The following FNDC7 variants were observed in gnomAD, a reference collection of about 807,000 sequenced individuals.
FNDC7 encodes fibronectin type III domain containing 7, also known as fibronectin type III domain-containing protein 7.
FNDC7 carries 66 observed loss-of-function variants against 74.2 expected under a neutral mutation model. The ratio of observed to expected loss-of-function variants is 0.89; its 90% CI spans 0.73 to 1.09. The LOEUF is 1.09. Ranked by LOEUF, FNDC7 falls within the 50% of genes least tolerant of loss-of-function variation. The pLI, the probability that FNDC7 is intolerant of heterozygous loss-of-function variation, is 0.00. For missense variants in FNDC7, 829 were observed against 893.4 expected (o/e 0.93, Z 0.92); for synonymous variants, 307 against 330.2 (o/e 0.93, Z 0.76).
rs369729211 is a variant in FNDC7, at chr1:108,727,860, T to C, written c.1164T>C (p.Val388=). ...INPVLVSSDR[V]EIVWSPVRGA... ...CCGTGTTGGTGTCCAGTGACAGAGT[T>C]GAGATTGTCTGGTCTCCTGTCCGTG... Residue 388 remains valine, a synonymous_variant, in exon 7 of 13, where the codon GTT becomes GTC. Transcript: ENST00000370017. The C allele has an allele frequency of 1.4e-5, 22 of 1,613,028 alleles. No individual in the cohort carries two copies. The highest frequency in any genetic ancestry group is 1.7e-5 in the Non-Finnish European group (20 of 1,179,098).
At chr1:108,723,627 G>A (rs928150539) in intron 5 of FNDC7, among the ~76,000 whole-genome samples, 5 of 152,208 alleles carry the variant, frequency 3.3e-5, no homozygotes, top group African/African-American at 2.4e-5. Context: ...CATTAGAAGC[G>A]ATTATGAGGA....
At position 108,741,861 on chromosome 1, in the gene FNDC7, T is replaced by G; in HGVS notation, c.*37+20T>G. ...GACCAAGTGAGTAACGTAAATTGAT[T>G]TTGTGTGATTTTATGGCAAAGTTTT... On this transcript the variant is annotated intron_variant, in intron 12 of 12. Coordinates refer to ENST00000370017, the MANE Select transcript of FNDC7 (RefSeq NM_001144937.3). 1 of 1,570,926 alleles carries G rather than the reference T, an allele frequency of 6.4e-7. No individual in the cohort carries two copies. Among genetic ancestry groups the G allele is most frequent in the East Asian group, 2.2e-5 (1 of 44,676 alleles).
chr1:108,725,205 C>T (rs927185127), intron 5 of FNDC7, among the ~76,000 whole-genome samples: 2 of 152,116 alleles, frequency 1.3e-5, no homozygotes, highest in African/African-American at 4.8e-5. Context: ...TTCCTTCCTA[C>T]TTATGTGATC....
intron 10 of FNDC7, 46 bp from the exon 11 acceptor site, chr1:108,737,449 C>A (rs1461730308): frequency 6.7e-7 from 1 of 1,485,866 alleles, no homozygotes; most frequent in East Asian, 2.3e-5. Context: ...ATCTTAAATA[C>A]ATAAATGAAT....
chr1:108,724,645 T>A (rs1197084288), intron 5 of FNDC7, among the ~76,000 whole-genome samples: 1 of 151,590 alleles, frequency 6.6e-6, no homozygotes, highest in Non-Finnish European at 1.5e-5. Flanking sequence ...TTCCAGCTAC[T>A]CACGAGGCTG....
At chr1:108,720,447 CT>C (rs957725161) in intron 4 of FNDC7, among the ~76,000 whole-genome samples, 1 of 152,198 alleles carries the variant, frequency 6.6e-6, no homozygotes, top group Non-Finnish European at 1.5e-5. Flanking sequence ...ACAGCATCCC[CT>C]AGAATAACTT....
intron 11 of FNDC7, among the ~76,000 whole-genome samples, chr1:108,738,540 C>T (rs1018889116): frequency 6.9e-6 from 1 of 145,372 alleles, no homozygotes; most frequent in Non-Finnish European, 1.5e-5. Flanking sequence ...TCCCGCCCAC[C>T]CCCACCCCAC....
At chr1:108,723,029 AT>A (rs1661132474) in intron 5 of FNDC7, among the ~76,000 whole-genome samples, 1 of 151,976 alleles carries the variant, frequency 6.6e-6, no homozygotes, top group Admixed American at 6.6e-5. Flanking sequence ...GCGTTTAGAT[AT>A]TTTTCCATTT....
chr1:108,718,737 T>G, intron 3 of FNDC7, 52 bp from the exon 4 acceptor site: 1 of 1,525,496 alleles, frequency 6.6e-7, no homozygotes, highest in South Asian at 1.2e-5. Context: ...AAATTTGAAT[T>G]ATCCTCTATT....
At chr1:108,716,429 C>T (rs776154359) in intron 2 of FNDC7, among the ~76,000 whole-genome samples, 3 of 148,150 alleles carry the variant, frequency 2.0e-5, no homozygotes, top group Non-Finnish European at 3.0e-5. Flanking sequence ...AGAGAGGGAG[C>T]GAAGCCCTTT....
intron 2 of FNDC7, among the ~76,000 whole-genome samples, chr1:108,715,543 C>T (rs116828353): frequency 0.012 from 1,837 of 152,248 alleles, 36 homozygotes; most frequent in African/African-American, 0.042. Context: ...CTGTGTTTGC[C>T]GCATACTCCT....
chr1:108,735,981 ATT>A (rs1491063431), intron 10 of FNDC7, among the ~76,000 whole-genome samples: 1 of 151,754 alleles, frequency 6.6e-6, no homozygotes, highest in African/African-American at 2.4e-5. Flanking sequence ...AATTTTTAAA[ATT>A]TTTTTGTAGA....
rs1218285501 is a variant in FNDC7 at position 108,725,731 on chromosome 1, A to G, written c.857-19A>G. ...AATCTCCTGCAGTAGTCTCATGTTT[A>G]TTATTGATCATTTCCTAGTTGCTTG... is the stretch of plus-strand genomic sequence containing the variant. On this transcript the variant is annotated intron_variant, in intron 5 of 12. Coordinates refer to ENST00000370017, the MANE Select transcript of FNDC7 (RefSeq NM_001144937.3). 10 of 1,609,462 alleles carry G rather than the reference A, an allele frequency of 6.2e-6. No individual in the cohort carries two copies. Among genetic ancestry groups the G allele is most frequent in the Non-Finnish European group, 8.5e-6 (10 of 1,177,110 alleles).
chr1:108,722,523 T>C lies in FNDC7; in HGVS notation c.787T>C (p.Leu263=), dbSNP rs1661116708. Residue 263 remains leucine (L), a synonymous_variant, in exon 5 of 13, where the codon TTG becomes CTG. Coordinates refer to ENST00000370017, the MANE Select transcript of FNDC7 (RefSeq NM_001144937.3). ...ISSLQCGTEY[L]ISVLASNDAG... The stretch of plus-strand genomic sequence containing the variant: ...TTCCCTCCAGTGTGGAACTGAATAC[T>C]TGATTTCAGTTTTAGCAAGTAATGA... 1.2e-6 allele frequency: 2 copies of C among 1,614,214 alleles called. No homozygotes were observed.
At chr1:108,714,941 T>G (rs936704327) in intron 2 of FNDC7, among the ~76,000 whole-genome samples, 2 of 152,004 alleles carry the variant, frequency 1.3e-5, no homozygotes, top group African/African-American at 4.8e-5. Context: ...AACTCTGCCG[T>G]CTCTTACAAG....
At chr1:108,736,057 C>T (rs556129226) in intron 10 of FNDC7, among the ~76,000 whole-genome samples, 2 of 152,302 alleles carry the variant, frequency 1.3e-5, no homozygotes, top group East Asian at 1.9e-4. Flanking sequence ...ATCCTCTCGC[C>T]GCAGCCTCCC....
chr1:108,740,929 G>A (rs1158208496), intron 11 of FNDC7, among the ~76,000 whole-genome samples: 2 of 152,186 alleles, frequency 1.3e-5, no homozygotes, highest in East Asian at 3.8e-4. Flanking sequence ...GAAGACATTT[G>A]CATTTTAACC....
At chr1:108,740,197 T>A (rs1240927336) in intron 11 of FNDC7, among the ~76,000 whole-genome samples, 1 of 151,844 alleles carries the variant, frequency 6.6e-6, no homozygotes, top group Non-Finnish European at 1.5e-5. Context: ...GCAAGTCCAA[T>A]CAGGTCCCTG....
intron 4 of FNDC7, 46 bp from the exon 5 acceptor site, chr1:108,722,289 G>A: frequency 6.7e-7 from 1 of 1,493,538 alleles, no homozygotes; most frequent in South Asian, 1.4e-5. Context: ...CTCTTACGTA[G>A]TTTGTAAGGC....
Sources: allele counts gnomAD v4.1 joint callset (sites outside exome capture counted in the v4.1 genomes callset), GRCh38; gene constraint gnomAD v4.1.1; transcripts MANE v1.5; gene names NCBI Gene and HGNC (gene_info 2026-07-23, HGNC 2026-07-21).